Variants in PHACTR1 observed in about 807,000 individuals in gnomAD.
PHACTR1 encodes phosphatase and actin regulator 1, also known as RPEL repeat containing 1.
In PHACTR1, 16 loss-of-function variants were observed where a neutral mutation model predicts 69.2. The ratio of observed to expected loss-of-function variants is 0.23; its 90% CI spans 0.16 to 0.35. PHACTR1 has a LOEUF of 0.35. Among genes scored for constraint, PHACTR1 ranks in the 10% least tolerant of loss-of-function variants. The pLI is 1.00. For missense variants in PHACTR1, 510 were observed against 734.7 expected, an observed-to-expected ratio of 0.69 and a Z score of 3.54; for synonymous variants, 312 against 284.5, an observed-to-expected ratio of 1.10 and a Z score of -0.97.
At chr6:12,931,755 G>T (rs924393947) in intron 4 of PHACTR1, among the ~76,000 whole-genome samples, 1 of 151,502 alleles carries the variant, frequency 6.6e-6, no homozygotes, top group African/African-American at 2.4e-5. Flanking sequence ...TATTCTTTCT[G>T]TTAGTGCAGG....
intron 5 of PHACTR1, among the ~76,000 whole-genome samples, chr6:13,110,706 G>A (rs1230924305): frequency 1.3e-5 from 2 of 152,184 alleles, no homozygotes. Context: ...AGAAAACTGG[G>A]GAGATCACAG....
intron 4 of PHACTR1, among the ~76,000 whole-genome samples, chr6:12,810,400 G>C (rs1024143499): frequency 2.6e-5 from 4 of 152,048 alleles, no homozygotes; most frequent in African/African-American, 9.7e-5. Flanking sequence ...CACATCCCCT[G>C]GCATCTAGAA....
chr6:13,059,046 T>C (rs546956999), intron 5 of PHACTR1, among the ~76,000 whole-genome samples: 1 of 152,092 alleles, frequency 6.6e-6, no homozygotes, highest in South Asian at 2.1e-4. Flanking sequence ...ACAAATGACT[T>C]AGTAATGGGT....
intron 7 of PHACTR1, among the ~76,000 whole-genome samples, chr6:13,199,320 G>A (rs1764858177): frequency 6.8e-6 from 1 of 147,696 alleles, no homozygotes; most frequent in African/African-American, 2.5e-5. Context: ...GGAGGTGGAG[G>A]TTGCAGTGAG....
chr6:13,009,725 A>T lies in PHACTR1; in HGVS notation c.251-43640A>T, dbSNP rs537442715. Among the ~76,000 whole-genome samples the T allele has an allele frequency of 3.6e-4, 55 of 152,218 alleles. 1 individual carries two copies. In the South Asian group the frequency reaches 0.011, roughly 30 times the overall value. ...TTTCAAGGTCTGCAGTTGCCCTCAC[A>T]TCACCCTAATGGTGGGATCTTCTGG... On this transcript the variant is annotated intron_variant, in intron 4 of 14. Transcript: ENST00000332995.
intron 4 of PHACTR1, among the ~76,000 whole-genome samples, chr6:12,969,936 C>G (rs1562072039): frequency 6.6e-6 from 1 of 152,208 alleles, no homozygotes. Context: ...GCACTCCAGC[C>G]TGGGTGATAG....
intron 3 of PHACTR1, among the ~76,000 whole-genome samples, chr6:12,743,029 T>A (rs528445301): frequency 6.6e-6 from 1 of 152,312 alleles, no homozygotes; most frequent in South Asian, 2.1e-4. Flanking sequence ...GGAACCAACC[T>A]GATATGGAGT....
At chr6:12,928,956 G>T (rs961937427) in intron 4 of PHACTR1, among the ~76,000 whole-genome samples, 1 of 152,170 alleles carries the variant, frequency 6.6e-6, no homozygotes, top group Non-Finnish European at 1.5e-5. Flanking sequence ...TCTGAGTGTC[G>T]GAGCAAGGCA....
At chr6:13,257,568 C>T (rs951632619) in intron 10 of PHACTR1, among the ~76,000 whole-genome samples, 1 of 152,220 alleles carries the variant, frequency 6.6e-6, no homozygotes, top group African/African-American at 2.4e-5. Context: ...GTCTAAATCA[C>T]AGCTCTTGAC....
rs189485262 is a variant in PHACTR1 at position 13,149,426 on chromosome 6, A to G, written c.416-10778A>G. ...TCTCAGAGCATCTCTGTGGGTTACTATTCTGCAAAAACAGACTTTAGAAAG... is the reference window on the plus strand; with the variant it reads ...TCTCAGAGCATCTCTGTGGGTTACTGTTCTGCAAAAACAGACTTTAGAAAG... On this transcript the variant is annotated intron_variant, in intron 5 of 14. Coordinates refer to ENST00000332995, the MANE Select transcript of PHACTR1 (RefSeq NM_030948.6). 2.1e-4 allele frequency among the ~76,000 whole-genome samples: 31 copies of G among 148,338 alleles called. No homozygotes were observed. In the East Asian group the frequency reaches 5.0e-3, roughly 24 times the overall value.
Position 13,209,730 on chromosome 6 carries a change from G to C in PHACTR1, c.986+3594G>C, listed in dbSNP as rs1421347522. On this transcript the variant is annotated intron_variant, in intron 8 of 14. Transcript: ENST00000332995. Reference sequence around the variant, plus strand: ...TTATCCTCTGGTCTCTGCTCCAACAGGACGTTCCCCAGGTCCCAACATAGC... The same window carrying C: ...TTATCCTCTGGTCTCTGCTCCAACACGACGTTCCCCAGGTCCCAACATAGC... Among the ~76,000 whole-genome samples, 5 of 152,182 alleles carry C rather than the reference G, an allele frequency of 3.3e-5. No homozygotes were observed. In the East Asian group the frequency reaches 9.6e-4, roughly 29 times the overall value.
At chr6:13,052,825 A>G (rs1383604019) in intron 4 of PHACTR1, among the ~76,000 whole-genome samples, 2 of 152,344 alleles carry the variant, frequency 1.3e-5, no homozygotes, top group East Asian at 1.9e-4. Flanking sequence ...ATCCTAAAGT[A>G]CAGTCACTTG....
chr6:12,818,721 A>G (rs1442896675), intron 4 of PHACTR1, among the ~76,000 whole-genome samples: 1 of 152,334 alleles, frequency 6.6e-6, no homozygotes, highest in African/African-American at 2.4e-5. Context: ...GAAAAAGTAC[A>G]TCACTTCTTA....
chr6:13,026,272 G>T (rs1426901772), intron 4 of PHACTR1, among the ~76,000 whole-genome samples: 1 of 152,162 alleles, frequency 6.6e-6, no homozygotes, highest in Non-Finnish European at 1.5e-5. Flanking sequence ...CTCTGGAGAG[G>T]GTTAGGAAAA....
chr6:12,876,851 G>C (rs748471023), intron 4 of PHACTR1, among the ~76,000 whole-genome samples: 1 of 152,192 alleles, frequency 6.6e-6, no homozygotes, highest in Non-Finnish European at 1.5e-5. Flanking sequence ...ACACAGGAAA[G>C]CTGGTGGCGT....
chr6:12,997,257 AAT>A (rs1303967481), intron 4 of PHACTR1, among the ~76,000 whole-genome samples: 1 of 147,924 alleles, frequency 6.8e-6, no homozygotes, highest in Non-Finnish European at 1.5e-5. Flanking sequence ...TATATAAGTA[AAT>A]ATATATTAGT....
At chr6:13,015,975 A>AT (rs1458553400) in intron 4 of PHACTR1, among the ~76,000 whole-genome samples, 1 of 152,232 alleles carries the variant, frequency 6.6e-6, no homozygotes, top group African/African-American at 2.4e-5. Flanking sequence ...TGGTGCACTC[A>AT]TTTAATCACC....
At chr6:12,865,751 G>T (rs1781393238) in intron 4 of PHACTR1, among the ~76,000 whole-genome samples, 1 of 152,184 alleles carries the variant, frequency 6.6e-6, no homozygotes, top group South Asian at 2.1e-4. Flanking sequence ...TAGACAGCTT[G>T]CTATGTTTTT....
intron 4 of PHACTR1, among the ~76,000 whole-genome samples, chr6:13,029,934 T>C (rs1276514119): frequency 1.3e-5 from 2 of 152,224 alleles, no homozygotes; most frequent in East Asian, 1.9e-4. Flanking sequence ...AGACCCCAGA[T>C]GTGCCACTTG....
Sources: gnomAD v4.1 joint callset for allele counts (sites outside exome capture counted in the v4.1 genomes callset) on GRCh38, gnomAD v4.1.1 for gene constraint, MANE v1.5 for transcripts, NCBI Gene and HGNC (gene_info 2026-07-23, HGNC 2026-07-21) for gene names.